Variants in NBPF3 observed in about 807,000 individuals in gnomAD.
NBPF3 encodes NBPF family member NBPF3.
NBPF3 carries 57 observed loss-of-function variants against 78.1 expected under a neutral mutation model. The ratio of observed to expected loss-of-function variants is 0.73; its 90% CI spans 0.59 to 0.91. The LOEUF (loss-of-function observed/expected upper bound fraction) is 0.91, where lower values mean the gene tolerates loss of function less well. Among genes scored for constraint, NBPF3 ranks in the 40% least tolerant of loss-of-function variants. NBPF3 has a pLI of 0.00. For missense variants in NBPF3, 510 were observed against 715.3 expected, an observed-to-expected ratio of 0.71 and a Z score of 3.27; for synonymous variants, 182 against 271.7, an observed-to-expected ratio of 0.67 and a Z score of 3.25.
chr1:21,465,055 A>G (rs1160462912), intron 2 of NBPF3, among the ~76,000 whole-genome samples: 7 of 151,540 alleles, frequency 4.6e-5, no homozygotes, highest in Non-Finnish European at 8.8e-5. Context: ...GTAAGTGGCC[A>G]AAATATGATG....
chr1:21,483,921 G>A lies in NBPF3; in HGVS notation c.*535G>A, dbSNP rs1331589215. Reference sequence around the variant, plus strand: ...TTGTTAACCCACTAGGCTCCTTTGAGTAGAGAAGCCATAGTCCTTCAGCCT... The same window carrying A: ...TTGTTAACCCACTAGGCTCCTTTGAATAGAGAAGCCATAGTCCTTCAGCCT... On this transcript the variant is annotated 3_prime_UTR_variant, in exon 15 of 15. Coordinates refer to ENST00000318249, the MANE Select transcript of NBPF3 (RefSeq NM_032264.6). 1 of 151,278 alleles carries A rather than the reference G, an allele frequency of 6.6e-6. No individual in the cohort carries two copies. The highest frequency in any genetic ancestry group is 1.4e-5 in the Non-Finnish European group (1 of 69,026). The allele number at this position is 151,278 out of a possible 1,614,324, so 9.4% of individuals were successfully genotyped here.
rs1430673734 is a variant in NBPF3, at chr1:21,473,257, T to A, written c.735-123T>A. 4 of 1,188,836 alleles carry A rather than the reference T, an allele frequency of 3.4e-6. No individual in the cohort carries two copies. In the Admixed American group the frequency reaches 6.8e-5, roughly 20 times the overall value. 73.6% of individuals were successfully genotyped at this position (1,188,836 alleles called of 1,614,324 possible). A position where few individuals can be genotyped will look rare whatever the true frequency, so the allele number is the denominator to read the frequency against. On this transcript the variant is annotated intron_variant, in intron 6 of 14. Transcript: ENST00000318249. ...GATTGCCTGTTCCCTCTTAAAGGGA[T>A]CCTCCTGTTTGCTTTCTTGGACCAC...
At chr1:21,445,554 A>G (rs1479585068) in intron 2 of NBPF3, among the ~76,000 whole-genome samples, 2 of 113,106 alleles carry the variant, frequency 1.8e-5, no homozygotes, top group African/African-American at 3.7e-5. Flanking sequence ...CTCTGTTTCC[A>G]CCCTACTGTC....
chr1:21,453,084 C>T (rs181038811), intron 2 of NBPF3, among the ~76,000 whole-genome samples: 310 of 152,292 alleles, frequency 2.0e-3, no homozygotes, highest in African/African-American at 7.3e-3. Flanking sequence ...TCCCACAGAT[C>T]CACTGTCCGC....
intron 2 of NBPF3, among the ~76,000 whole-genome samples, chr1:21,445,687 G>A (rs1640928973): frequency 6.6e-6 from 1 of 152,204 alleles, no homozygotes; most frequent in Non-Finnish European, 1.5e-5. Flanking sequence ...TTTAGGCAGT[G>A]CCCTCTGGAT....
chr1:21,478,928 T>A (rs1643028867), intron 9 of NBPF3, among the ~76,000 whole-genome samples: 1 of 152,178 alleles, frequency 6.6e-6, no homozygotes, highest in Non-Finnish European at 1.5e-5. Flanking sequence ...TCACTTTGAC[T>A]CAAGAGCTGG....
chr1:21,468,793 C>A lies in NBPF3; in HGVS notation c.239C>A (p.Ser80Ter), dbSNP rs545309470. The change falls in exon 3 of 15, where the codon TCG becomes TAG. Residue 80 changes from serine to a stop codon, truncating the protein, a stop_gained. Transcript: ENST00000318249. LOFTEE classifies it high-confidence loss of function. ...EMNILEINKK[S>*]RPQLAENKQQ... ...AACATTCTAGAAATCAACAAGAAATCGCGCCCCCAGCTGGCAGAGAACAAA... is the reference window on the plus strand; with the variant it reads ...AACATTCTAGAAATCAACAAGAAATAGCGCCCCCAGCTGGCAGAGAACAAA... 6.2e-7 allele frequency: 1 copy of A among 1,614,050 alleles called. No homozygotes were observed. The highest frequency in any genetic ancestry group is 2.2e-5 in the East Asian group (1 of 44,876).
At chr1:21,469,394 T>C (rs1642462914) in intron 3 of NBPF3, among the ~76,000 whole-genome samples, 2 of 152,162 alleles carry the variant, frequency 1.3e-5, no homozygotes, top group African/African-American at 4.8e-5. Flanking sequence ...AGTCTGCTCC[T>C]AATAGAACCT....
intron 2 of NBPF3, among the ~76,000 whole-genome samples, chr1:21,457,711 A>G (rs1271187045): frequency 6.6e-6 from 1 of 152,222 alleles, no homozygotes; most frequent in Non-Finnish European, 1.5e-5. Context: ...AAATCTAACA[A>G]TGTCTTAAAG....
intron 3 of NBPF3, among the ~76,000 whole-genome samples, chr1:21,469,291 C>T (rs1434227958): frequency 6.6e-6 from 1 of 152,192 alleles, no homozygotes; most frequent in African/African-American, 2.4e-5. Context: ...GTTCAAGCTT[C>T]TGTTGAGGCC....
At chr1:21,464,420 G>A (rs541203829) in intron 2 of NBPF3, among the ~76,000 whole-genome samples, 36 of 152,062 alleles carry the variant, frequency 2.4e-4, no homozygotes, top group African/African-American at 8.0e-4. Context: ...AATATATAGA[G>A]AAGGTAGATT....
chr1:21,466,735 CAAA>C (rs3053491), intron 2 of NBPF3, among the ~76,000 whole-genome samples: 1 of 148,038 alleles, frequency 6.8e-6, no homozygotes, highest in Admixed American at 6.7e-5. Context: ...TCACAAAAAC[CAAA>C]AAAAAAAAGG....
At chr1:21,467,216 A>G in intron 2 of NBPF3, 2 of 985,460 alleles carry the variant, frequency 2.0e-6, no homozygotes, top group Non-Finnish European at 2.4e-6. Flanking sequence ...GCAGAGAGAC[A>G]TGCTTTGAAA....
In NBPF3 at chr1:21,483,061, T is replaced by C. The variant is rs967336451; in HGVS notation, c.1659-82T>C. On this transcript the variant is annotated intron_variant, in intron 14 of 14. Coordinates refer to ENST00000318249, the MANE Select transcript of NBPF3 (RefSeq NM_032264.6). The stretch of plus-strand genomic sequence containing the variant: ...CCTTTTCCTTTTTTGACCACTTCCT[T>C]ATGTTACCCCTGAAATCTAGTTGGG... The C allele has an allele frequency of 5.7e-6, 9 of 1,588,570 alleles. No homozygotes were observed. In the South Asian group the frequency reaches 1.0e-4, roughly 18 times the overall value.
intron 5 of NBPF3, 65 bp from the exon 6 acceptor site, chr1:21,472,778 T>C: frequency 8.8e-7 from 1 of 1,140,992 alleles, no homozygotes; most frequent in Non-Finnish European, 1.3e-6. Context: ...GTGTGCACAT[T>C]CGGCTGACTG....
intron 8 of NBPF3, among the ~76,000 whole-genome samples, chr1:21,477,069 G>A (rs543479083): frequency 6.6e-6 from 1 of 151,902 alleles, no homozygotes; most frequent in African/African-American, 2.4e-5. Flanking sequence ...TGATCGAATC[G>A]GCTACTGAAG....
intron 2 of NBPF3, among the ~76,000 whole-genome samples, chr1:21,457,853 G>C (rs923145088): frequency 1.3e-5 from 2 of 152,168 alleles, no homozygotes; most frequent in Non-Finnish European, 2.9e-5. Flanking sequence ...GCCCAGTAAC[G>C]AGATGCAGAT....
rs1376825140 is a variant in NBPF3, at chr1:21,480,102, A to G, written c.1260A>G (p.Ser420=). The change falls in exon 11 of 15, where the codon TCA becomes TCG. Residue 420 remains serine (S), a synonymous_variant. Coordinates refer to ENST00000318249, the MANE Select transcript of NBPF3 (RefSeq NM_032264.6). ...DEKEPEVLQD[S]LDRFYSTPFE... ...AAGAGCCTGAAGTCTTGCAGGACTC[A>G]CTGGATAGATTTTATTCAACTCCTT... 1.8e-6 allele frequency: 2 copies of G among 1,135,444 alleles called. No individual in the cohort carries two copies. Among genetic ancestry groups the G allele is most frequent in the Non-Finnish European group, 2.6e-6 (2 of 754,846 alleles). The allele number at this position is 1,135,444 out of a possible 1,614,324, so 70.3% of individuals were successfully genotyped here. A position where few individuals can be genotyped will look rare whatever the true frequency, so the allele number is the denominator to read the frequency against.
intron 2 of NBPF3, among the ~76,000 whole-genome samples, chr1:21,459,076 A>G (rs538958417): frequency 6.6e-6 from 1 of 152,362 alleles, no homozygotes; most frequent in African/African-American, 2.4e-5. Flanking sequence ...GCAATTGGTG[A>G]GAAAAATTAA....
Sources: gnomAD v4.1 joint callset for allele counts (sites outside exome capture counted in the v4.1 genomes callset) on GRCh38, gnomAD v4.1.1 for gene constraint, MANE v1.5 for transcripts, NCBI Gene and HGNC (gene_info 2026-07-23, HGNC 2026-07-21) for gene names.